Variants in VPS37C observed in about 807,000 individuals in gnomAD.
The protein encoded by VPS37C is VPS37C subunit of ESCRT-I, also known as vacuolar protein sorting-associated protein 37C.
Under a neutral mutation model 16.1 loss-of-function variants are expected in VPS37C, and 9 were observed. The ratio of observed to expected loss-of-function variants is 0.56; its 90% CI spans 0.34 to 0.97. The LOEUF is 0.97. Among genes scored for constraint, VPS37C ranks in the 50% least tolerant of loss-of-function variants. The pLI, the probability that VPS37C is intolerant of heterozygous loss-of-function variation, is 0.02. For missense variants in VPS37C, 479 were observed against 472.7 expected (o/e 1.01, Z -0.12); for synonymous variants, 207 against 206.4 (o/e 1.00, Z -0.02).
In VPS37C at chr11:61,130,990, G is replaced by A. The variant is rs959972001; in HGVS notation, c.*830C>T. The stretch of plus-strand genomic sequence containing the variant: ...AAGTCGCCCTAAAGTGGGGACCCCA[G>A]AGGAGAGAAGGGAGGGTGGCTGGGG... On this transcript the variant is annotated 3_prime_UTR_variant, in exon 5 of 5. Transcript: ENST00000301765. 1 of 322,148 alleles carries A rather than the reference G, an allele frequency of 3.1e-6. No individual in the cohort carries two copies. Among genetic ancestry groups the A allele is most frequent in the Non-Finnish European group, 5.9e-6 (1 of 170,706 alleles). 20.0% of individuals were successfully genotyped at this position (322,148 alleles called of 1,614,324 possible).
At chr11:61,142,975 T>TAAAAAAAAAAAAA in intron 1 of VPS37C, among the ~76,000 whole-genome samples, 2 of 47,590 alleles carry the variant, frequency 4.2e-5, no homozygotes, top group African/African-American at 7.5e-5. Context: ...AAAGAATAGC[T>TAAAAAAAAAAAAA]AAAAAAAAAA....
At chr11:61,134,600 CT>C (rs1861333358) in intron 2 of VPS37C, among the ~76,000 whole-genome samples, 1 of 152,224 alleles carries the variant, frequency 6.6e-6, no homozygotes, top group Admixed American at 6.5e-5. Context: ...TATCCCCAAG[CT>C]TCAGAGTCAA....
intron 1 of VPS37C, among the ~76,000 whole-genome samples, chr11:61,154,090 G>A (rs138186735): frequency 2.8e-4 from 42 of 152,286 alleles, no homozygotes; most frequent in African/African-American, 1.0e-3. Context: ...CTGTTCCCAA[G>A]TAACTTAACA....
chr11:61,136,505 GATTCTC>G (rs1861377496), intron 2 of VPS37C, among the ~76,000 whole-genome samples: 1 of 152,100 alleles, frequency 6.6e-6, no homozygotes, highest in Non-Finnish European at 1.5e-5. Flanking sequence ...ATGCAACAAA[GATTCTC>G]ATCTTCCCCA....
At chr11:61,141,217 A>T (rs1404674542) in intron 1 of VPS37C, among the ~76,000 whole-genome samples, 2 of 151,828 alleles carry the variant, frequency 1.3e-5, no homozygotes, top group Non-Finnish European at 1.5e-5. Flanking sequence ...GAAAATACAA[A>T]ATTAGCCCGG....
intron 2 of VPS37C, chr11:61,138,457 G>A: frequency 2.4e-6 from 1 of 410,744 alleles, no homozygotes; most frequent in East Asian, 4.3e-5. Flanking sequence ...GCTTTGAGGA[G>A]CTGCCTCCAG....
chr11:61,156,242 C>T lies in VPS37C; in HGVS notation c.-7+5149G>A, dbSNP rs1352947568. 2.0e-5 allele frequency among the ~76,000 whole-genome samples: 3 copies of T among 152,168 alleles called. No homozygotes were observed. In the East Asian group the frequency reaches 5.8e-4, roughly 29 times the overall value. On this transcript the variant is annotated intron_variant, in intron 1 of 4. Coordinates refer to ENST00000301765, the MANE Select transcript of VPS37C (RefSeq NM_017966.5). Reference sequence around the variant, plus strand: ...AACCATATCAATAACCACATTAAATCTAAATAGTCTTAACACCCCAATTAA... The same window carrying T: ...AACCATATCAATAACCACATTAAATTTAAATAGTCTTAACACCCCAATTAA...
At chr11:61,149,590 C>G (rs1853267304) in intron 1 of VPS37C, among the ~76,000 whole-genome samples, 1 of 152,174 alleles carries the variant, frequency 6.6e-6, no homozygotes, top group African/African-American at 2.4e-5. Context: ...CCAGCTAGGT[C>G]TAGAACCAGA....
chr11:61,153,685 TCC>T (rs1227448138), intron 1 of VPS37C, among the ~76,000 whole-genome samples: 1 of 152,160 alleles, frequency 6.6e-6, no homozygotes, highest in Non-Finnish European at 1.5e-5. Flanking sequence ...CTATAGCTGC[TCC>T]AAGTTACTCC....
At position 61,132,202 on chromosome 11, in the gene VPS37C, G is replaced by C; in HGVS notation, c.686C>G (p.Pro229Arg). 1 of 1,502,150 alleles carries C rather than the reference G, an allele frequency of 6.7e-7. No homozygotes were observed. The highest frequency in any genetic ancestry group is 8.9e-7 in the Non-Finnish European group (1 of 1,126,048). 93.1% of individuals were successfully genotyped at this position (1,502,150 alleles called of 1,614,324 possible). A position where few individuals can be genotyped will look rare whatever the true frequency, so the allele number is the denominator to read the frequency against. The part of the protein sequence containing the change: ...AHGALPPAPF[P>R]VVSQPSFYSG... ...GTAGAAGGAGGGCTGGGACACTACT[G>C]GGAAAGGGGCCGGTGGCAGGGCTCC... The change falls in exon 5 of 5, where the codon CCA becomes CGA. Residue 229 changes from proline (P) to arginine (R), a missense_variant. Pro to Arg is a moderately radical substitution (Grantham distance 103). Coordinates refer to ENST00000301765, the MANE Select transcript of VPS37C (RefSeq NM_017966.5).
chr11:61,132,224 C>A lies in VPS37C; in HGVS notation c.664G>T (p.Ala222Ser). ...ACTGGGAAAGGGGCCGGTGGCAGGGCTCCATGGGCAGTGGGGCCCACAGGC... is the reference window on the plus strand; with the variant it reads ...ACTGGGAAAGGGGCCGGTGGCAGGGATCCATGGGCAGTGGGGCCCACAGGC... The part of the protein sequence containing the change: ...SLPVGPTAHG[A>S]LPPAPFPVVS... Residue 222 changes from alanine to serine, a missense_variant, in exon 5 of 5, where the codon GCC becomes TCC. Transcript: ENST00000301765. 1 of 1,511,664 alleles carries A rather than the reference C, an allele frequency of 6.6e-7. No individual in the cohort carries two copies. The highest frequency in any genetic ancestry group is 1.3e-5 in the South Asian group (1 of 74,808). 93.6% of individuals were successfully genotyped at this position (1,511,664 alleles called of 1,614,324 possible).
At chr11:61,142,975 TAAAAAAAAA>T in intron 1 of VPS37C, among the ~76,000 whole-genome samples, 1 of 47,590 alleles carries the variant, frequency 2.1e-5, no homozygotes, top group Non-Finnish European at 4.2e-5. Context: ...AAAGAATAGC[TAAAAAAAAA>T]AAAAAAAAAA....
chr11:61,139,767 A>T (rs1217288196), intron 1 of VPS37C, among the ~76,000 whole-genome samples: 1 of 135,202 alleles, frequency 7.4e-6, no homozygotes, highest in South Asian at 2.3e-4. Context: ...TTTTTGAGAC[A>T]TGGTCTGGCT....
chr11:61,142,833 T>G, intron 1 of VPS37C, among the ~76,000 whole-genome samples: 3 of 144,118 alleles, frequency 2.1e-5, no homozygotes, highest in Admixed American at 6.9e-5. Context: ...AGGGGTAGCA[T>G]TGGGAGATAT....
chr11:61,136,321 G>A (rs542920735), intron 2 of VPS37C, among the ~76,000 whole-genome samples: 60 of 152,068 alleles, frequency 3.9e-4, no homozygotes, highest in African/African-American at 1.3e-3. Flanking sequence ...CTACAGGCAC[G>A]TGCCACCACG....
intron 3 of VPS37C, among the ~76,000 whole-genome samples, chr11:61,133,582 C>T (rs1353235584): frequency 1.3e-5 from 2 of 152,198 alleles, no homozygotes; most frequent in Non-Finnish European, 2.9e-5. Context: ...TGGGAAATGA[C>T]TTGGGCTTCA....
At chr11:61,149,543 T>G (rs1853266385) in intron 1 of VPS37C, among the ~76,000 whole-genome samples, 1 of 152,306 alleles carries the variant, frequency 6.6e-6, no homozygotes, top group East Asian at 1.9e-4. Flanking sequence ...TCACAACTTA[T>G]TGTTAGGAAA....
chr11:61,132,675 G>GC, intron 4 of VPS37C, 136 bp from the exon 5 acceptor site: 1 of 1,168,824 alleles, frequency 8.6e-7, no homozygotes, highest in Non-Finnish European at 1.2e-6. Context: ...CTGCCCATAC[G>GC]CCCCTTCTCA....
intron 1 of VPS37C, 80 bp from the exon 2 acceptor site, chr11:61,138,915 A>C: frequency 7.4e-7 from 1 of 1,343,530 alleles, no homozygotes; most frequent in Non-Finnish European, 1.1e-6. Flanking sequence ...ATGATTTATC[A>C]AAAACAAACT....
Sources: gnomAD v4.1 joint callset for allele counts (sites outside exome capture counted in the v4.1 genomes callset) on GRCh38, gnomAD v4.1.1 for gene constraint, MANE v1.5 for transcripts, NCBI Gene and HGNC (gene_info 2026-07-23, HGNC 2026-07-21) for gene names.